The following ABLIM1 variants were observed in gnomAD, a reference collection of about 807,000 sequenced individuals.
ABLIM1 encodes the protein actin binding LIM protein 1.
ABLIM1 carries 40 observed loss-of-function variants against 107.0 expected under a neutral mutation model. That is an observed-to-expected ratio of 0.37 (90% CI 0.29 to 0.49). The LOEUF (loss-of-function observed/expected upper bound fraction) is 0.49, where lower values mean the gene tolerates loss of function less well. ABLIM1 is among the 20% of genes least tolerant of loss of function. The pLI, the probability that ABLIM1 is intolerant of heterozygous loss-of-function variation, is 0.97. For synonymous variants in ABLIM1, 357 were observed against 357.3 expected, an observed-to-expected ratio of 1.00 and a Z score of 0.01; for missense variants, 857 against 1,008.5, an observed-to-expected ratio of 0.85 and a Z score of 2.04.
intron 6 of ABLIM1, among the ~76,000 whole-genome samples, chr10:114,528,446 C>T (rs2065098376): frequency 1.3e-5 from 2 of 152,192 alleles, no homozygotes; most frequent in African/African-American, 4.8e-5. Flanking sequence ...AGCAACAAAG[C>T]CGTGCTTCTA....
At chr10:114,669,654 C>T (rs1420220980) in intron 1 of ABLIM1, among the ~76,000 whole-genome samples, 1 of 152,186 alleles carries the variant, frequency 6.6e-6, no homozygotes, top group African/African-American at 2.4e-5. Flanking sequence ...CTTTGCTTTT[C>T]ATTTTCTGAT....
At chr10:114,687,404 G>T (rs559294004), upstream of ABLIM1, among the ~76,000 whole-genome samples, 1 of 152,324 alleles carries the variant, frequency 6.6e-6, no homozygotes, top group East Asian at 1.9e-4. Flanking sequence ...CAAAAATTTA[G>T]GGACTTGCCC....
At chr10:114,500,859 G>A (rs2060337881) in intron 6 of ABLIM1, among the ~76,000 whole-genome samples, 1 of 151,784 alleles carries the variant, frequency 6.6e-6, no homozygotes, top group Non-Finnish European at 1.5e-5. Flanking sequence ...AAAGTAACTG[G>A]TGCCAATCAA....
intron 1 of ABLIM1, 55 bp downstream of exon 1, chr10:114,657,902 A>C: frequency 7.0e-7 from 1 of 1,431,942 alleles, no homozygotes; most frequent in Non-Finnish European, 9.7e-7. Context: ...GTACTCTCTT[A>C]ATTACGCCAA....
intron 8 of ABLIM1, among the ~76,000 whole-genome samples, chr10:114,476,396 C>G (rs2056410569): frequency 6.6e-6 from 1 of 152,122 alleles, no homozygotes; most frequent in Non-Finnish European, 1.5e-5. Flanking sequence ...AATCCCAGCA[C>G]TTTGGGAGGC....
At chr10:114,723,398 C>T (rs1222426253) in intron 1 of ABLIM1, among the ~76,000 whole-genome samples, 1 of 152,176 alleles carries the variant, frequency 6.6e-6, no homozygotes, top group East Asian at 1.9e-4. Flanking sequence ...AATAAAGGGG[C>T]AGGGAGATTT....
At chr10:114,659,755 C>A (rs1566194412), upstream of ABLIM1, among the ~76,000 whole-genome samples, 1 of 152,126 alleles carries the variant, frequency 6.6e-6, no homozygotes, top group Non-Finnish European at 1.5e-5. Flanking sequence ...AAGCACTGAT[C>A]TACGCCAGCC....
At chr10:114,462,949 G>A (rs913964711) in intron 12 of ABLIM1, 18 of 1,252,592 alleles carry the variant, frequency 1.4e-5, no homozygotes, top group South Asian at 6.3e-5. Flanking sequence ...TCAAAAGCTC[G>A]GCACTAACTC....
chr10:114,472,846 C>G, intron 10 of ABLIM1, 131 bp downstream of exon 10: 2 of 909,714 alleles, frequency 2.2e-6, no homozygotes, highest in Non-Finnish European at 3.1e-6. Context: ...AGCACCTGGT[C>G]TAGAAATCTG....
chr10:114,485,218 A>T, intron 8 of ABLIM1: 1 of 1,164,332 alleles, frequency 8.6e-7, no homozygotes, highest in Non-Finnish European at 1.2e-6. Context: ...TTATGTGAGA[A>T]AAGCAGCCCA....
chr10:114,644,009 C>T (rs2078866987), intron 1 of ABLIM1, among the ~76,000 whole-genome samples: 1 of 151,624 alleles, frequency 6.6e-6, no homozygotes, highest in South Asian at 2.1e-4. Flanking sequence ...TGGCCAGGCA[C>T]AGTGGCTCAT....
intron 4 of ABLIM1, among the ~76,000 whole-genome samples, chr10:114,567,579 A>G (rs564881169): frequency 6.6e-6 from 1 of 152,366 alleles, no homozygotes; most frequent in African/African-American, 2.4e-5. Context: ...TTCCTAAAGC[A>G]GAACAATACA....
At position 114,649,063 on chromosome 10, in the gene ABLIM1, G is replaced by C. The variant is rs377503099; in HGVS notation, c.244+8894C>G. 1.1e-4 allele frequency among the ~76,000 whole-genome samples: 16 copies of C among 152,276 alleles called. No individual in the cohort carries two copies. The East Asian group carries it at 2.5e-3, about 24-fold the overall frequency. ...TGATTATACCATAGACCTTAGGAAA[G>C]TCATTTACTTCTCTGGACCTCAGTC... On this transcript the variant is annotated intron_variant, in intron 1 of 22. Coordinates refer to ENST00000533213, the MANE Select transcript of ABLIM1 (RefSeq NM_002313.7).
chr10:114,784,214 T>C, the ABLIM1 span, among the ~76,000 whole-genome samples: 5 of 151,330 alleles, frequency 3.3e-5, no homozygotes, highest in Non-Finnish European at 5.9e-5. Flanking sequence ...GGCTCGGTGG[T>C]GCGCACCTGT....
upstream of ABLIM1, among the ~76,000 whole-genome samples, chr10:114,662,045 T>G (rs1340983157): frequency 6.6e-6 from 1 of 152,198 alleles, no homozygotes; most frequent in Non-Finnish European, 1.5e-5. Flanking sequence ...AAGTCTTTTT[T>G]CTCAGACAAG....
At chr10:114,704,312 A>C (rs765390620) in intron 1 of ABLIM1, among the ~76,000 whole-genome samples, 5,783 of 59,818 alleles carry the variant, frequency 0.097, 237 homozygotes, top group African/African-American at 0.12. Flanking sequence ...CTATATATAT[A>C]TATATATATA....
At chr10:114,719,020 T>C (rs1300631399) in intron 1 of ABLIM1, among the ~76,000 whole-genome samples, 1 of 152,180 alleles carries the variant, frequency 6.6e-6, no homozygotes, top group African/African-American at 2.4e-5. Flanking sequence ...TTTGTTCATG[T>C]ATGTACGTTA....
At chr10:114,699,104 CA>C (rs11344931) in intron 1 of ABLIM1, among the ~76,000 whole-genome samples, 31,359 of 114,652 alleles carry the variant, frequency 0.27, 1,899 homozygotes, top group East Asian at 0.45. Context: ...TTTTGCTTAG[CA>C]AAAAAAAAAA....
intron 1 of ABLIM1, among the ~76,000 whole-genome samples, chr10:114,700,649 G>T (rs1254722060): frequency 2.0e-5 from 3 of 151,964 alleles, no homozygotes; most frequent in Non-Finnish European, 4.4e-5. Context: ...ATAAATGATT[G>T]ACTGGTTCTT....
Sources: gnomAD v4.1 joint callset for allele counts (sites outside exome capture counted in the v4.1 genomes callset) on GRCh38, gnomAD v4.1.1 for gene constraint, MANE v1.5 for transcripts, NCBI Gene and HGNC (gene_info 2026-07-23, HGNC 2026-07-21) for gene names.